Variants in SCAI observed in about 807,000 individuals in gnomAD.
The protein encoded by SCAI is suppressor of cancer cell invasion.
A neutral mutation model predicts 92.2 loss-of-function variants in SCAI; 24 were observed. The ratio of observed to expected loss-of-function variants is 0.26; its 90% CI spans 0.19 to 0.37. SCAI has a LOEUF of 0.37. Ranked by LOEUF, SCAI falls within the 10% of genes least tolerant of loss-of-function variation. The pLI, the probability that SCAI is intolerant of heterozygous loss-of-function variation, is 1.00. For synonymous variants in SCAI, 261 were observed against 258.6 expected (o/e 1.01, Z -0.09); for missense variants, 450 against 736.2 (o/e 0.61, Z 4.50).
At chr9:125,072,554 C>A (rs930872257) in intron 2 of SCAI, among the ~76,000 whole-genome samples, 1 of 151,936 alleles carries the variant, frequency 6.6e-6, no homozygotes, top group Non-Finnish European at 1.5e-5. Flanking sequence ...TACATATTTA[C>A]CATCTTAACC....
chr9:125,140,990 C>T (rs1835652921), intron 2 of SCAI, among the ~76,000 whole-genome samples: 1 of 151,932 alleles, frequency 6.6e-6, no homozygotes, highest in African/African-American at 2.4e-5. Context: ...GTATTTTATA[C>T]TTATCTCATT....
intron 17 of SCAI, among the ~76,000 whole-genome samples, chr9:124,968,129 A>C (rs906216141): frequency 6.6e-6 from 1 of 152,170 alleles, no homozygotes; most frequent in African/African-American, 2.4e-5. Flanking sequence ...TAAAAATCAA[A>C]ACTTGTGGGC....
intron 2 of SCAI, among the ~76,000 whole-genome samples, chr9:125,064,355 A>G (rs2131150943): frequency 6.6e-6 from 1 of 152,340 alleles, no homozygotes; most frequent in African/African-American, 2.4e-5. Context: ...CCAATTCTAG[A>G]CGGGTGCCGT....
chr9:125,123,427 T>C (rs1324580394), intron 2 of SCAI, among the ~76,000 whole-genome samples: 2 of 151,990 alleles, frequency 1.3e-5, no homozygotes, highest in African/African-American at 4.8e-5. Flanking sequence ...AGTTGTTCTC[T>C]GAAAATCTAT....
chr9:125,141,343 T>C (rs571216107), intron 2 of SCAI, among the ~76,000 whole-genome samples: 1 of 152,312 alleles, frequency 6.6e-6, no homozygotes, highest in African/African-American at 2.4e-5. Flanking sequence ...TTAACATCAT[T>C]AACTTGCCAG....
At chr9:125,113,249 T>C (rs946184869) in intron 2 of SCAI, among the ~76,000 whole-genome samples, 4 of 152,234 alleles carry the variant, frequency 2.6e-5, no homozygotes, top group Admixed American at 2.6e-4. Context: ...GAACAGCATG[T>C]ACCCTTGATA....
chr9:124,952,770 G>A lies in SCAI; in HGVS notation c.*37C>T. 1 of 1,575,580 alleles carries A rather than the reference G, an allele frequency of 6.3e-7. No homozygotes were observed. Among genetic ancestry groups the A allele is most frequent in the Non-Finnish European group, 8.7e-7 (1 of 1,153,250 alleles). On this transcript the variant is annotated 3_prime_UTR_variant, in exon 18 of 18. Transcript: ENST00000336505. Reference sequence around the variant, plus strand: ...AAAACTGCACCATTTAAAATTTGTGGAAAATGAAAACTTGTTTCGACAACA... The same window carrying A: ...AAAACTGCACCATTTAAAATTTGTGAAAAATGAAAACTTGTTTCGACAACA...
intron 2 of SCAI, among the ~76,000 whole-genome samples, chr9:125,138,371 T>C (rs887205606): frequency 2.0e-5 from 3 of 148,988 alleles, no homozygotes; most frequent in African/African-American, 7.4e-5. Flanking sequence ...TTCTCCTGCC[T>C]CAGCCTCCCG....
At chr9:124,973,197 T>A (rs1831693180) in intron 15 of SCAI, among the ~76,000 whole-genome samples, 1 of 152,270 alleles carries the variant, frequency 6.6e-6, no homozygotes, top group Non-Finnish European at 1.5e-5. Context: ...TTGTGCTAAG[T>A]ACTGATATGT....
intron 3 of SCAI, 66 bp from the exon 4 acceptor site, chr9:125,029,805 G>A: frequency 1.0e-6 from 1 of 960,576 alleles, no homozygotes; most frequent in Non-Finnish European, 1.6e-6. Flanking sequence ...TATGTCTTGT[G>A]ATGGTACAAA....
chr9:125,024,993 G>A (rs1832940323), intron 6 of SCAI, among the ~76,000 whole-genome samples: 1 of 152,218 alleles, frequency 6.6e-6, no homozygotes, highest in Non-Finnish European at 1.5e-5. Context: ...AGTGCAGAGA[G>A]AACTTGTTCC....
chr9:125,061,497 C>T (rs1180663455), intron 2 of SCAI, among the ~76,000 whole-genome samples: 6 of 152,194 alleles, frequency 3.9e-5, no homozygotes, highest in African/African-American at 1.4e-4. Context: ...CAGTGGCTCA[C>T]GCCTGTAATC....
rs183618292 is a variant in SCAI at position 125,030,237 on chromosome 9, A to C, written c.231-498T>G. Among the ~76,000 whole-genome samples the C allele has an allele frequency of 1.4e-3, 207 of 152,338 alleles. 3 individuals are homozygous for C. Among genetic ancestry groups the C allele is most frequent in the African/African-American group, 4.6e-3 (192 of 41,576 alleles). On this transcript the variant is annotated intron_variant, in intron 3 of 17. Transcript: ENST00000336505. ...CTTATAGTACAGTCTTTGAGAGGCA[A>C]ATACTCCCTACCATACAAACATTGG...
chr9:125,126,063 A>T (rs1488632037), intron 2 of SCAI, among the ~76,000 whole-genome samples: 1 of 152,156 alleles, frequency 6.6e-6, no homozygotes, highest in Non-Finnish European at 1.5e-5. Flanking sequence ...CTCTCCAAGG[A>T]AAATCACAGA....
chr9:124,972,136 T>C (rs1364169479), intron 15 of SCAI, among the ~76,000 whole-genome samples: 1 of 152,234 alleles, frequency 6.6e-6, no homozygotes, highest in Non-Finnish European at 1.5e-5. Flanking sequence ...TGTTGGATTA[T>C]GGGTTATCTT....
chr9:125,005,400 C>T (rs531070228), intron 9 of SCAI, among the ~76,000 whole-genome samples: 5 of 152,308 alleles, frequency 3.3e-5, no homozygotes, highest in African/African-American at 4.8e-5. Context: ...GGCGCAATCT[C>T]GGCTCACTGC....
chr9:124,956,453 A>T (rs920503108), intron 17 of SCAI, among the ~76,000 whole-genome samples: 3 of 152,204 alleles, frequency 2.0e-5, no homozygotes, highest in African/African-American at 7.2e-5. Flanking sequence ...TCCCAACCTC[A>T]GGTGATCTGC....
At chr9:124,957,101 GTT>G (rs1831328118) in intron 17 of SCAI, among the ~76,000 whole-genome samples, 1 of 150,734 alleles carries the variant, frequency 6.6e-6, no homozygotes, top group Non-Finnish European at 1.5e-5. Flanking sequence ...AAGTGATCCT[GTT>G]ACCTCGGCCT....
chr9:125,077,050 G>A (rs574159475), intron 2 of SCAI, among the ~76,000 whole-genome samples: 77 of 152,258 alleles, frequency 5.1e-4, no homozygotes, highest in African/African-American at 1.8e-3. Flanking sequence ...CAGGCATGAT[G>A]GTGTGTGCCT....
Sources: gnomAD v4.1 joint callset for allele counts (sites outside exome capture counted in the v4.1 genomes callset) on GRCh38, gnomAD v4.1.1 for gene constraint, MANE v1.5 for transcripts, NCBI Gene and HGNC (gene_info 2026-07-23, HGNC 2026-07-21) for gene names.